The following CEP170 variants were observed in gnomAD, a reference collection of about 807,000 sequenced individuals.
The protein encoded by CEP170 is centrosomal protein 170.
In CEP170, 21 loss-of-function variants were observed where a neutral mutation model predicts 151.9. That is an observed-to-expected ratio of 0.14 (90% CI 0.10 to 0.20). CEP170 has a LOEUF of 0.20. Among genes scored for constraint, CEP170 ranks in the 10% least tolerant of loss-of-function variants. The pLI, the probability that CEP170 is intolerant of heterozygous loss-of-function variation, is 1.00. For synonymous variants in CEP170, 356 were observed against 648.8 expected, an observed-to-expected ratio of 0.55 and a Z score of 6.86; for missense variants, 964 against 1,892.9, an observed-to-expected ratio of 0.51 and a Z score of 9.11.
intron 14 of CEP170, among the ~76,000 whole-genome samples, chr1:243,143,222 A>G (rs1268592622): frequency 2.0e-5 from 3 of 152,118 alleles, no homozygotes; most frequent in Non-Finnish European, 2.9e-5. Context: ...ACTCTTTCGT[A>G]GAGCACTTTA....
At chr1:243,198,807 C>G (rs1028592956) in intron 7 of CEP170, among the ~76,000 whole-genome samples, 1 of 151,458 alleles carries the variant, frequency 6.6e-6, no homozygotes, top group Middle Eastern at 3.2e-3. Flanking sequence ...ATCTTAACAT[C>G]TCCTTTAAAC....
At chr1:243,150,947 C>T (rs1172442302) in intron 14 of CEP170, among the ~76,000 whole-genome samples, 3 of 152,218 alleles carry the variant, frequency 2.0e-5, no homozygotes, top group African/African-American at 7.2e-5. Flanking sequence ...GAATCTCAGA[C>T]CAAGAATATG....
intron 10 of CEP170, among the ~76,000 whole-genome samples, chr1:243,182,104 C>T (rs1217905025): frequency 6.6e-6 from 1 of 151,920 alleles, no homozygotes; most frequent in Non-Finnish European, 1.5e-5. Context: ...CTTGTGAGTT[C>T]TTGTTCTTAT....
Position 243,125,449 on chromosome 1 carries a change from GT to G in CEP170, c.*999del, listed in dbSNP as rs766979263. On this transcript the variant is annotated 3_prime_UTR_variant, in exon 20 of 20. Coordinates refer to ENST00000366542, the MANE Select transcript of CEP170 (RefSeq NM_014812.3). ...CTATCAACTAATCTTACGACTACTG[GT>G]TCTCCAAGTCCCCTAATGAAGAAAA... The G allele has an allele frequency of 5.9e-5, 9 of 152,590 alleles. No homozygotes were observed. Among genetic ancestry groups the G allele is most frequent in the Non-Finnish European group, 1.3e-4 (9 of 68,092 alleles). 9.5% of individuals were successfully genotyped at this position (152,590 alleles called of 1,614,324 possible).
chr1:243,194,410 T>G (rs2148791972), intron 7 of CEP170, among the ~76,000 whole-genome samples: 1 of 152,114 alleles, frequency 6.6e-6, no homozygotes, highest in Middle Eastern at 3.4e-3. Context: ...GATTGATGAT[T>G]TTGAGTCATA....
intron 14 of CEP170, among the ~76,000 whole-genome samples, chr1:243,143,985 T>C (rs1488407387): frequency 6.6e-6 from 1 of 152,192 alleles, no homozygotes; most frequent in African/African-American, 2.4e-5. Context: ...CAGAACCAAT[T>C]TATGGTCAAT....
intron 1 of CEP170, among the ~76,000 whole-genome samples, chr1:243,238,853 T>C (rs2149110115): frequency 6.6e-6 from 1 of 152,358 alleles, no homozygotes; most frequent in South Asian, 2.1e-4. Flanking sequence ...TGATCTCTAG[T>C]ATTGCTATCT....
intron 17 of CEP170, among the ~76,000 whole-genome samples, chr1:243,132,219 G>A (rs771819441): frequency 2.6e-5 from 4 of 152,156 alleles, no homozygotes; most frequent in Admixed American, 6.5e-5. Flanking sequence ...CACTTTCCAC[G>A]CAGAAGGCCC....
chr1:243,162,021 T>C (rs558820084), intron 13 of CEP170, among the ~76,000 whole-genome samples: 2 of 152,326 alleles, frequency 1.3e-5, no homozygotes, highest in East Asian at 3.9e-4. Context: ...TCTAATACTA[T>C]AAGTGGGTAT....
intron 1 of CEP170, among the ~76,000 whole-genome samples, chr1:243,226,170 TATATATATATCTAG>T (rs1180315618): frequency 1.8e-4 from 14 of 77,972 alleles, no homozygotes; most frequent in East Asian, 1.6e-3. Flanking sequence ...TCTCTATAGA[TATATATATATCTAG>T]ATATATATAT....
intron 16 of CEP170, among the ~76,000 whole-genome samples, chr1:243,136,894 G>A (rs1479687496): frequency 2.0e-5 from 3 of 151,882 alleles, no homozygotes; most frequent in Non-Finnish European, 4.4e-5. Context: ...AAAGAGTCTA[G>A]TGGGAAACAC....
At chr1:243,251,161 T>TTA (rs1223130505) in intron 1 of CEP170, among the ~76,000 whole-genome samples, 1 of 152,206 alleles carries the variant, frequency 6.6e-6, no homozygotes, top group Non-Finnish European at 1.5e-5. Context: ...TTAAGTGAGA[T>TTA]CTTCCTATTA....
At chr1:243,245,693 G>A (rs1044117116) in intron 1 of CEP170, among the ~76,000 whole-genome samples, 4 of 151,404 alleles carry the variant, frequency 2.6e-5, no homozygotes, top group Admixed American at 1.3e-4. Context: ...CAGCCTGGGC[G>A]ACAGAGCAAG....
At chr1:243,200,312 T>A (rs2060941810) in intron 6 of CEP170, among the ~76,000 whole-genome samples, 1 of 152,150 alleles carries the variant, frequency 6.6e-6, no homozygotes, top group African/African-American at 2.4e-5. Flanking sequence ...TTTAAACATA[T>A]TAAGCACACC....
At chr1:243,241,199 G>A (rs191896240) in intron 1 of CEP170, among the ~76,000 whole-genome samples, 2 of 152,306 alleles carry the variant, frequency 1.3e-5, no homozygotes, top group African/African-American at 2.4e-5. Context: ...TAAGGAATAC[G>A]AATATTTTGA....
At chr1:243,181,430 A>G (rs186380083) in intron 10 of CEP170, among the ~76,000 whole-genome samples, 91 of 152,310 alleles carry the variant, frequency 6.0e-4, no homozygotes, top group Admixed American at 1.5e-3. Flanking sequence ...AAGGTGATCT[A>G]TTGAGAGAGA....
intron 1 of CEP170, among the ~76,000 whole-genome samples, chr1:243,227,804 C>T (rs934049883): frequency 6.6e-6 from 1 of 152,162 alleles, no homozygotes; most frequent in African/African-American, 2.4e-5. Context: ...ACCCTGTGGA[C>T]CCTTGTAAGG....
intron 7 of CEP170, 102 bp downstream of exon 7, chr1:243,198,958 G>A: frequency 1.2e-6 from 1 of 816,514 alleles, no homozygotes; most frequent in Middle Eastern, 2.6e-4. Context: ...TCAAAGTATA[G>A]AATACTAGAT....
intron 2 of CEP170, among the ~76,000 whole-genome samples, chr1:243,223,765 G>A (rs970145681): frequency 6.6e-6 from 1 of 152,070 alleles, no homozygotes; most frequent in Non-Finnish European, 1.5e-5. Flanking sequence ...AATTCAAGAA[G>A]AGTAGTCAGG....
Sources: allele counts gnomAD v4.1 joint callset (sites outside exome capture counted in the v4.1 genomes callset), GRCh38; gene constraint gnomAD v4.1.1; transcripts MANE v1.5; gene names NCBI Gene and HGNC (gene_info 2026-07-23, HGNC 2026-07-21).